UPF3A: variants seen among roughly 807,000 people sequenced by gnomAD.
UPF3A encodes regulator of nonsense transcripts 3A.
In UPF3A, 42 loss-of-function variants were observed where a neutral mutation model predicts 53.5. That is an observed-to-expected ratio of 0.78 (90% CI 0.61 to 1.01). The LOEUF (loss-of-function observed/expected upper bound fraction) is 1.01. Among genes scored for constraint, UPF3A ranks in the 50% least tolerant of loss-of-function variants. The pLI is 0.00. For missense variants in UPF3A, 575 were observed against 598.0 expected (o/e 0.96, Z 0.40); for synonymous variants, 237 against 225.3 (o/e 1.05, Z -0.47).
intron 7 of UPF3A, among the ~76,000 whole-genome samples, chr13:114,297,333 C>A (rs1480850059): frequency 6.6e-6 from 1 of 151,512 alleles, no homozygotes; most frequent in African/African-American, 2.4e-5. Flanking sequence ...TGAAATATGT[C>A]GTGGCGACTT....
intron 7 of UPF3A, among the ~76,000 whole-genome samples, chr13:114,295,940 T>C (rs1185846836): frequency 6.6e-6 from 1 of 152,092 alleles, no homozygotes; most frequent in African/African-American, 2.4e-5. Flanking sequence ...TGGGGACTAG[T>C]TGGCCAGAAA....
rs145784870 is a variant in UPF3A at position 114,305,076 on chromosome 13, G to A, written c.*159G>A. On this transcript the variant is annotated 3_prime_UTR_variant, in exon 10 of 10. Coordinates refer to ENST00000375299, the MANE Select transcript of UPF3A (RefSeq NM_023011.4). ...AGAAACACGCAGAAACCATTCTAAA[G>A]AAAGTAGTGATCTTGTATTAAATTG... 0.019 allele frequency: 16,690 copies of A among 858,530 alleles called. 240 individuals are homozygous for A. The highest frequency in any genetic ancestry group is 0.026 in the Non-Finnish European group (14,107 of 545,944). The allele number at this position is 858,530 out of a possible 1,614,324, so 53.2% of individuals were successfully genotyped here. A position where few individuals can be genotyped will look rare whatever the true frequency, so the allele number is the denominator to read the frequency against.
chr13:114,288,711 CGACA>C (rs1174432499), intron 5 of UPF3A, among the ~76,000 whole-genome samples: 1 of 152,064 alleles, frequency 6.6e-6, no homozygotes, highest in Non-Finnish European at 1.5e-5. Context: ...TGGACAGGAC[CGACA>C]GACGGATAGG....
At chr13:114,296,488 C>G (rs2086040794) in intron 7 of UPF3A, among the ~76,000 whole-genome samples, 1 of 152,180 alleles carries the variant, frequency 6.6e-6, no homozygotes, top group African/African-American at 2.4e-5. Context: ...ATACCCCATA[C>G]CCACCTTGTG....
At chr13:114,283,652 A>G (rs1373747149) in intron 3 of UPF3A, 2 of 537,322 alleles carry the variant, frequency 3.7e-6, no homozygotes, top group Non-Finnish European at 4.8e-6. Flanking sequence ...CATTTATGAT[A>G]ATGTCACCAG....
At chr13:114,295,734 T>TGG (rs1566758534) in intron 7 of UPF3A, among the ~76,000 whole-genome samples, 1 of 152,208 alleles carries the variant, frequency 6.6e-6, no homozygotes, top group African/African-American at 2.4e-5. Context: ...TTGCCTCAGG[T>TGG]GGTGCATCAG....
chr13:114,295,470 A>C lies in UPF3A; in HGVS notation c.847-3370A>C, dbSNP rs146769679. 6.6e-3 allele frequency among the ~76,000 whole-genome samples: 972 copies of C among 147,920 alleles called. 14 individuals are homozygous for C. Among genetic ancestry groups the C allele is most frequent in the African/African-American group, 0.023 (921 of 39,518 alleles). ...TCTCATGAATGCACCAGCGGATTCC[A>C]CCTCAGGACTCCGCACGTTTCCCTC... On this transcript the variant is annotated intron_variant, in intron 7 of 9. Coordinates refer to ENST00000375299, the MANE Select transcript of UPF3A (RefSeq NM_023011.4).
chr13:114,292,191 C>T (rs954720439), intron 7 of UPF3A, among the ~76,000 whole-genome samples: 10 of 150,224 alleles, frequency 6.7e-5, no homozygotes, highest in African/African-American at 2.5e-4. Flanking sequence ...AACGCGTACA[C>T]GTGCAGGTGT....
In UPF3A at chr13:114,282,006, G is replaced by C; in HGVS notation, c.208-15G>C. 1 of 1,543,950 alleles carries C rather than the reference G, an allele frequency of 6.5e-7. No individual in the cohort carries two copies. The highest frequency in any genetic ancestry group is 1.2e-5 in the South Asian group (1 of 84,122). ...ACGCTCCGCCCCGGTGGGAACGGCC[G>C]CGCGCTCCCCGCAGGTGGTCATCCG... On this transcript the variant is annotated splice_polypyrimidine_tract_variant and intron_variant, in intron 1 of 9. Coordinates refer to ENST00000375299, the MANE Select transcript of UPF3A (RefSeq NM_023011.4).
chr13:114,295,613 C>G (rs1173344509), intron 7 of UPF3A, among the ~76,000 whole-genome samples: 1 of 152,252 alleles, frequency 6.6e-6, no homozygotes, highest in Admixed American at 6.5e-5. Context: ...TGATGCTTTA[C>G]TCTCCCTTCA....
intron 7 of UPF3A, among the ~76,000 whole-genome samples, chr13:114,295,527 C>A (rs1339609483): frequency 2.0e-5 from 3 of 152,248 alleles, no homozygotes; most frequent in Non-Finnish European, 4.4e-5. Context: ...GCCCGTGGCT[C>A]CTTCTTGGCA....
chr13:114,288,730 G>C (rs2084983458), intron 5 of UPF3A, among the ~76,000 whole-genome samples: 1 of 152,166 alleles, frequency 6.6e-6, no homozygotes, highest in Non-Finnish European at 1.5e-5. Flanking sequence ...GATAGGGTGT[G>C]GGAGGTAAGG....
At position 114,291,513 on chromosome 13, in the gene UPF3A, A is replaced by G; in HGVS notation, c.656A>G (p.Glu219Gly). 1 of 1,609,090 alleles carries G rather than the reference A, an allele frequency of 6.2e-7. No homozygotes were observed. The highest frequency in any genetic ancestry group is 1.1e-5 in the South Asian group (1 of 88,870). Residue 219 changes from glutamate to glycine, a missense_variant, in exon 6 of 10, where the codon GAA becomes GGA. Glu to Gly is a moderately conservative substitution (Grantham distance 98). This residue lies in a region of UPF3A where 323 missense variants were observed against 415.2 expected (regional missense o/e 0.78). Transcript: ENST00000375299. ...GCTAGAAGAACCACACCTCTTTTGG[A>G]ATATATTAAAAATAGAAAATTAGAA... Reference protein sequence around the residue: ...LIARRTTPLLEYIKNRKLEKQ... With the variant: ...LIARRTTPLLGYIKNRKLEKQ...
chr13:114,304,441 G>A (rs1280956742), intron 9 of UPF3A, among the ~76,000 whole-genome samples: 3 of 152,190 alleles, frequency 2.0e-5, no homozygotes, highest in African/African-American at 4.8e-5. Flanking sequence ...TACTACTCAC[G>A]TTAATAAGTT....
At chr13:114,291,585 T>C in intron 6 of UPF3A, 41 bp downstream of exon 6, 1 of 1,604,268 alleles carries the variant, frequency 6.2e-7, no homozygotes, top group East Asian at 2.2e-5. Context: ...TCCCTGCTTC[T>C]GCCATTCTCA....
rs928658413 is a variant in UPF3A at position 114,294,274 on chromosome 13, G to GGT, written c.846+2483_846+2484insTG. Among the ~76,000 whole-genome samples, 3 of 47,500 alleles carry GGT rather than the reference G, an allele frequency of 6.3e-5. No individual in the cohort carries two copies. In the South Asian group the frequency reaches 2.1e-3, roughly 33 times the overall value. 31.2% of individuals were successfully genotyped at this position (47,500 alleles called of 152,430 possible). On this transcript the variant is annotated intron_variant, in intron 7 of 9. Coordinates refer to ENST00000375299, the MANE Select transcript of UPF3A (RefSeq NM_023011.4). ...TGCTATTTTTTTGTTTGGTTTTGGT[G>GGT]GGGGGGGGGTTTGAGACAGGGTCTC... is the stretch of plus-strand genomic sequence containing the variant.
At chr13:114,296,722 C>T (rs2086066841) in intron 7 of UPF3A, among the ~76,000 whole-genome samples, 1 of 152,156 alleles carries the variant, frequency 6.6e-6, no homozygotes, top group Admixed American at 6.5e-5. Flanking sequence ...GGACTGAGCC[C>T]TTGACCCGTG....
At chr13:114,293,762 C>T (rs1334814708) in intron 7 of UPF3A, among the ~76,000 whole-genome samples, 1 of 152,070 alleles carries the variant, frequency 6.6e-6, no homozygotes, top group Non-Finnish European at 1.5e-5. Flanking sequence ...AAGAAGATAG[C>T]TTAGGAAAGG....
rs1312473944 is a variant in UPF3A at position 114,305,654 on chromosome 13, T to G, written c.*737T>G. 4 of 152,352 alleles carry G rather than the reference T, an allele frequency of 2.6e-5. No homozygotes were observed. Among genetic ancestry groups the G allele is most frequent in the African/African-American group, 9.7e-5 (4 of 41,436 alleles). 9.4% of individuals were successfully genotyped at this position (152,352 alleles called of 1,614,324 possible). On this transcript the variant is annotated 3_prime_UTR_variant, in exon 10 of 10. Coordinates refer to ENST00000375299, the MANE Select transcript of UPF3A (RefSeq NM_023011.4). ...CTAGATATAGCATACAGAGCCTGTT[T>G]TTGAGTTTTAGATACTTTATTTGTA...
Sources: gnomAD v4.1 joint callset for allele counts (sites outside exome capture counted in the v4.1 genomes callset) on GRCh38, gnomAD v4.1.1 for gene constraint, gnomAD v4.1.1 regional missense constraint, MANE v1.5 for transcripts, NCBI Gene and HGNC (gene_info 2026-07-23, HGNC 2026-07-21) for gene names.